ADK: variants seen among roughly 807,000 people sequenced by gnomAD.
ADK encodes N6,N6-dimethyladenosine kinase.
A neutral mutation model predicts 44.7 loss-of-function variants in ADK; 24 were observed. That is an observed-to-expected ratio of 0.54 (90% confidence interval 0.39 to 0.76). ADK has a LOEUF of 0.76. ADK is among the 30% of genes least tolerant of loss of function. ADK has a pLI of 0.00. For synonymous variants in ADK, 128 were observed against 142.6 expected, an observed-to-expected ratio of 0.90 and a Z score of 0.73; for missense variants, 321 against 425.1, an observed-to-expected ratio of 0.76 and a Z score of 2.15.
chr10:74,394,188 T>A lies in ADK; in HGVS notation c.321T>A (p.Ile107=). ...PHKAATFFGC[I]GIDKFGEILK... The stretch of plus-strand genomic sequence containing the variant: ...AAGCAGCAACATTTTTTGGATGCAT[T>A]GGGATAGATAAATTTGGGGAGATCC... The change falls in exon 5 of 11, where the codon ATT becomes ATA. Residue 107 remains isoleucine, a synonymous_variant. Coordinates refer to ENST00000539909, the MANE Select transcript of ADK (RefSeq NM_006721.4). 6.2e-7 allele frequency: 1 copy of A among 1,614,064 alleles called. No homozygotes were observed. The highest frequency in any genetic ancestry group is 1.3e-5 in the African/African-American group (1 of 75,030).
chr10:74,544,708 C>T (rs1849763384), intron 7 of ADK, among the ~76,000 whole-genome samples: 1 of 151,940 alleles, frequency 6.6e-6, no homozygotes, highest in Admixed American at 6.6e-5. Flanking sequence ...AACCCCTTCT[C>T]CACTAAAAAT....
chr10:74,170,336 A>G (rs1046994793), intron 1 of ADK, among the ~76,000 whole-genome samples: 21 of 152,202 alleles, frequency 1.4e-4, no homozygotes, highest in Non-Finnish European at 2.4e-4. Context: ...ATCTTTATAC[A>G]TGAAAAAATG....
At chr10:74,413,731 A>C (rs1180468462) in intron 6 of ADK, among the ~76,000 whole-genome samples, 1 of 152,174 alleles carries the variant, frequency 6.6e-6, no homozygotes, top group Non-Finnish European at 1.5e-5. Context: ...TTGCATTGAG[A>C]ACTTGCCTGT....
intron 5 of ADK, among the ~76,000 whole-genome samples, chr10:74,396,695 T>C (rs1317805000): frequency 6.6e-6 from 1 of 152,054 alleles, no homozygotes; most frequent in Non-Finnish European, 1.5e-5. Flanking sequence ...AGCTCATGCC[T>C]GTAATCCCAG....
rs752287052 is a variant in ADK, at chr10:74,253,446, GCTT to G, written c.194+28861_194+28863del. ...CACTGGTGGGTGTGTCTGATGGAAA[GCTT>G]CTTCTGCCTAATCATCTTTCAGCTA... On this transcript the variant is annotated intron_variant, in intron 3 of 10. Transcript: ENST00000539909. Among the ~76,000 whole-genome samples, 217 of 152,224 alleles carry G rather than the reference GCTT, an allele frequency of 1.4e-3. 1 individual carries two copies. Among genetic ancestry groups the G allele is most frequent in the Non-Finnish European group, 2.2e-3 (149 of 67,998 alleles).
intron 10 of ADK, among the ~76,000 whole-genome samples, chr10:74,674,039 G>T (rs901640829): frequency 1.3e-5 from 2 of 152,114 alleles, no homozygotes; most frequent in Admixed American, 1.3e-4. Context: ...TGTGGGTGGG[G>T]TGGGCCATGG....
chr10:74,409,532 T>G (rs879710170), intron 6 of ADK, among the ~76,000 whole-genome samples: 25 of 152,290 alleles, frequency 1.6e-4, no homozygotes, highest in South Asian at 1.2e-3. Flanking sequence ...CTCATGCCTA[T>G]TTTCTTTTTT....
intron 2 of ADK, among the ~76,000 whole-genome samples, chr10:74,204,038 T>C (rs1843501664): frequency 7.2e-6 from 1 of 138,932 alleles, no homozygotes; most frequent in Non-Finnish European, 1.5e-5. Flanking sequence ...CTCACTGCAA[T>C]CTCCATTTCC....
intron 7 of ADK, among the ~76,000 whole-genome samples, chr10:74,577,609 GCT>G (rs1343914613): frequency 6.6e-6 from 1 of 151,622 alleles, no homozygotes; most frequent in Non-Finnish European, 1.5e-5. Context: ...AGTAGATGCT[GCT>G]CTGTTTTTAC....
At chr10:74,597,050 T>C (rs1851950713) in intron 8 of ADK, among the ~76,000 whole-genome samples, 1 of 152,208 alleles carries the variant, frequency 6.6e-6, no homozygotes, top group African/African-American at 2.4e-5. Flanking sequence ...ATAGATACTA[T>C]AATTGAATGT....
At chr10:74,296,857 G>T (rs1839837035) in intron 3 of ADK, among the ~76,000 whole-genome samples, 2 of 151,832 alleles carry the variant, frequency 1.3e-5, no homozygotes, top group South Asian at 2.1e-4. Context: ...CTCATTAACC[G>T]CCCCTCTCGG....
intron 9 of ADK, among the ~76,000 whole-genome samples, chr10:74,632,576 A>G (rs911612456): frequency 6.6e-6 from 1 of 152,032 alleles, no homozygotes; most frequent in African/African-American, 2.4e-5. Flanking sequence ...CTGTCTTCGC[A>G]TGGCCTTCTT....
intron 3 of ADK, among the ~76,000 whole-genome samples, chr10:74,248,308 A>C (rs1446171555): frequency 6.6e-6 from 1 of 152,114 alleles, no homozygotes; most frequent in Non-Finnish European, 1.5e-5. Flanking sequence ...TGTTAGTAGG[A>C]GTACTAGCAA....
intron 3 of ADK, among the ~76,000 whole-genome samples, chr10:74,290,744 A>C (rs900827952): frequency 6.6e-6 from 1 of 152,104 alleles, no homozygotes; most frequent in Non-Finnish European, 1.5e-5. Flanking sequence ...TTAAATGTTT[A>C]AATTTAATTT....
At chr10:74,547,936 G>A (rs1193291479) in intron 7 of ADK, among the ~76,000 whole-genome samples, 1 of 152,178 alleles carries the variant, frequency 6.6e-6, no homozygotes, top group Non-Finnish European at 1.5e-5. Flanking sequence ...GGGATTACAG[G>A]CGTGAGCCAC....
At chr10:74,586,401 T>C (rs1851526696) in intron 7 of ADK, among the ~76,000 whole-genome samples, 1 of 152,202 alleles carries the variant, frequency 6.6e-6, no homozygotes, top group Non-Finnish European at 1.5e-5. Flanking sequence ...AAGTACATCT[T>C]TCCTCAGTCA....
At position 74,219,727 on chromosome 10, in the gene ADK, G is replaced by A. The variant is rs1448790599; in HGVS notation, c.141-4811G>A. On this transcript the variant is annotated intron_variant, in intron 2 of 10. Coordinates refer to ENST00000539909, the MANE Select transcript of ADK (RefSeq NM_006721.4). ...AGGATTAAGAAACTCACTCAAAACC[G>A]CTCAACTACATGGAAACTGAACAAC... Among the ~76,000 whole-genome samples, 11 of 149,960 alleles carry A rather than the reference G, an allele frequency of 7.3e-5. No homozygotes were observed. In the East Asian group the frequency reaches 1.2e-3, roughly 16 times the overall value.
intron 4 of ADK, among the ~76,000 whole-genome samples, chr10:74,329,106 CAAAAAAAAAAAAA>C (rs138730631): frequency 1.2e-5 from 1 of 82,122 alleles, no homozygotes; most frequent in African/African-American, 5.0e-5. Context: ...TCTGTGCAGG[CAAAAAAAAAAAAA>C]AAAAAAAAAA....
At chr10:74,403,575 C>T (rs901472058) in intron 6 of ADK, among the ~76,000 whole-genome samples, 10 of 152,114 alleles carry the variant, frequency 6.6e-5, no homozygotes, top group Admixed American at 5.9e-4. Context: ...TCCTGGTGTG[C>T]CGTTTGCTAA....
Sources: allele counts gnomAD v4.1 joint callset (sites outside exome capture counted in the v4.1 genomes callset), GRCh38; gene constraint gnomAD v4.1.1; transcripts MANE v1.5; gene names NCBI Gene and HGNC (gene_info 2026-07-23, HGNC 2026-07-21).